Variants in ALDH1A3 observed in about 807,000 individuals in gnomAD.
The protein encoded by ALDH1A3 is retinaldehyde dehydrogenase 3.
Under a neutral mutation model 57.5 loss-of-function variants are expected in ALDH1A3, and 28 were observed. The observed-to-expected ratio is 0.49, with a 90% CI of 0.36 to 0.67. ALDH1A3 has a LOEUF of 0.67. Ranked by LOEUF, ALDH1A3 falls within the 30% of genes least tolerant of loss-of-function variation. The pLI is 0.00. For synonymous variants in ALDH1A3, 281 were observed against 264.8 expected (o/e 1.06, Z -0.59); for missense variants, 507 against 669.4 (o/e 0.76, Z 2.68).
intron 1 of ALDH1A3, among the ~76,000 whole-genome samples, chr15:100,883,608 G>A (rs1399427357): frequency 2.0e-5 from 3 of 151,714 alleles, no homozygotes; most frequent in Admixed American, 6.6e-5. Context: ...AACCGACTCA[G>A]ACCAGGCTTC....
intron 8 of ALDH1A3, among the ~76,000 whole-genome samples, chr15:100,899,363 G>A (rs1000532644): frequency 5.9e-5 from 9 of 152,150 alleles, no homozygotes; most frequent in East Asian, 1.9e-4. Context: ...ATCTGGATAC[G>A]CCACCTGCAC....
Position 100,906,528 on chromosome 15 carries a change from CTTATAA to C in ALDH1A3, c.1234-588_1234-583del, listed in dbSNP as rs1363565981. Among the ~76,000 whole-genome samples the C allele has an allele frequency of 6.6e-6, 1 of 152,232 alleles. No homozygotes were observed. The highest frequency in any genetic ancestry group is 1.5e-5 in the Non-Finnish European group (1 of 68,048). Reference sequence around the variant, plus strand: ...GGCAGGCCAGGCACCATCCTGCCGGCTTATAATTATGTCTAATATTGAATCAATTAC... The same window carrying C: ...GGCAGGCCAGGCACCATCCTGCCGGCTTATGTCTAATATTGAATCAATTAC... On this transcript the variant is annotated intron_variant, in intron 10 of 12. Transcript: ENST00000329841. This position sits in a 1 kb window ranked among gnomAD's most constrained non-coding sequence, Gnocchi z 4.8.
intron 12 of ALDH1A3, among the ~76,000 whole-genome samples, chr15:100,908,897 T>C (rs1469781311): frequency 6.6e-6 from 1 of 152,106 alleles, no homozygotes; most frequent in African/African-American, 2.4e-5. Context: ...TCCTACCTGC[T>C]GGGTCCTTTT....
intron 7 of ALDH1A3, 28 bp downstream of exon 7, chr15:100,896,074 A>C (rs2041700456): frequency 6.4e-7 from 1 of 1,553,122 alleles, no homozygotes; most frequent in Middle Eastern, 1.7e-4. Flanking sequence ...GTGCTGGGGA[A>C]AGTGAAAGGG....
At position 100,879,948 on chromosome 15, in the gene ALDH1A3, A is replaced by C; in HGVS notation, c.41A>C (p.Asp14Ala). Reference protein sequence around the residue: ...ANGAVENGQPDRKPPALPRPI... With the variant: ...ANGAVENGQPARKPPALPRPI... ...GGGGCCGTGGAAAACGGGCAGCCGG[A>C]CAGGAAGCCGCCGGCCCTGCCGCGC... Residue 14 changes from aspartate to alanine, a missense_variant, in exon 1 of 13, where the codon GAC (aspartate) becomes GCC (alanine). Coordinates refer to ENST00000329841, the MANE Select transcript of ALDH1A3 (RefSeq NM_000693.4). The C allele has an allele frequency of 6.8e-7, 1 of 1,472,276 alleles. No individual in the cohort carries two copies. Among genetic ancestry groups the C allele is most frequent in the South Asian group, 1.3e-5 (1 of 77,214 alleles). 91.2% of individuals were successfully genotyped at this position (1,472,276 alleles called of 1,614,324 possible). A position where few individuals can be genotyped will look rare whatever the true frequency, so the allele number is the denominator to read the frequency against.
chr15:100,893,700 T>C lies in ALDH1A3; in HGVS notation c.538-254T>C, dbSNP rs190167893. The C allele has an allele frequency of 1.1e-3, 407 of 377,106 alleles. 1 individual carries two copies. Among genetic ancestry groups the C allele is most frequent in the Non-Finnish European group, 6.9e-4 (145 of 211,322 alleles). The allele number at this position is 377,106 out of a possible 1,614,324, so 23.4% of individuals were successfully genotyped here. A position where few individuals can be genotyped will look rare whatever the true frequency, so the allele number is the denominator to read the frequency against. ...GGGAGGAGGACACGTCTTCAGCAGA[T>C]GTTTTAGAGGGAGAGGTAGAACACA... On this transcript the variant is annotated intron_variant, in intron 5 of 12. Coordinates refer to ENST00000329841, the MANE Select transcript of ALDH1A3 (RefSeq NM_000693.4). The surrounding 1 kb of genome is among the most constrained non-coding windows in gnomAD (Gnocchi z 4.8).
chr15:100,885,448 CT>C (rs2041585694), intron 2 of ALDH1A3, 77 bp downstream of exon 2: 1 of 1,150,224 alleles, frequency 8.7e-7, no homozygotes, highest in African/African-American at 1.5e-5. Context: ...TTCGGCTTAG[CT>C]ATAAGACAGA....
chr15:100,916,503 A>G lies in ALDH1A3; in HGVS notation c.*1730A>G, dbSNP rs984659016. ...GGAAATATATATAGTGTTAGGTTTC[A>G]CTTCTTTTAAGGTTTACCCCTGTGG... On this transcript the variant is annotated 3_prime_UTR_variant, in exon 13 of 13. Transcript: ENST00000329841. The G allele has an allele frequency of 2.6e-5, 4 of 152,446 alleles. No homozygotes were observed. The highest frequency in any genetic ancestry group is 9.7e-5 in the African/African-American group (4 of 41,450). The allele number at this position is 152,446 out of a possible 1,614,324, so 9.4% of individuals were successfully genotyped here. A position where few individuals can be genotyped will look rare whatever the true frequency, so the allele number is the denominator to read the frequency against.
intron 1 of ALDH1A3, among the ~76,000 whole-genome samples, chr15:100,882,927 A>T (rs1001324015): frequency 1.3e-5 from 2 of 152,278 alleles, no homozygotes; most frequent in African/African-American, 2.4e-5. Flanking sequence ...AGTGTGGTAT[A>T]AAGTAAAAGA....
At position 100,880,022 on chromosome 15, in the gene ALDH1A3, C is replaced by T; in HGVS notation, c.99+16C>T. The T allele has an allele frequency of 6.9e-7, 1 of 1,444,468 alleles. No homozygotes were observed. The highest frequency in any genetic ancestry group is 9.1e-7 in the Non-Finnish European group (1 of 1,093,092). 89.5% of individuals were successfully genotyped at this position (1,444,468 alleles called of 1,614,324 possible). On this transcript the variant is annotated intron_variant, in intron 1 of 12. Coordinates refer to ENST00000329841, the MANE Select transcript of ALDH1A3 (RefSeq NM_000693.4). The stretch of plus-strand genomic sequence containing the variant: ...GTTCACCAAGGTGAGGCGGGCGCCC[C>T]TCCCACCCGACGGCCGCGGGCCCCT...
At position 100,908,403 on chromosome 15, in the gene ALDH1A3, T is replaced by G. The variant is rs1473824970; in HGVS notation, c.1392-5T>G. 6.2e-7 allele frequency: 1 copy of G among 1,613,442 alleles called. No individual in the cohort carries two copies. The highest frequency in any genetic ancestry group is 1.7e-5 in the Admixed American group (1 of 60,012). Reference sequence around the variant, plus strand: ...GACTCTGAGCTTTCTTCCATTCTTTTCTAGGATCAACTGCTACAACGCCCT... The same window carrying G: ...GACTCTGAGCTTTCTTCCATTCTTTGCTAGGATCAACTGCTACAACGCCCT... On this transcript the variant is annotated splice_region_variant and splice_polypyrimidine_tract_variant and intron_variant, in intron 11 of 12. Transcript: ENST00000329841.
At chr15:100,907,380 T>C in intron 11 of ALDH1A3, 102 bp downstream of exon 11, 5 of 1,389,186 alleles carry the variant, frequency 3.6e-6, no homozygotes, top group Non-Finnish European at 4.9e-6. Flanking sequence ...CATTGTATAT[T>C]ATATACCAAG....
intron 9 of ALDH1A3, among the ~76,000 whole-genome samples, chr15:100,901,823 G>A (rs772569048): frequency 7.9e-5 from 12 of 152,200 alleles, no homozygotes; most frequent in Non-Finnish European, 1.8e-4. Flanking sequence ...GGGAAGAAGG[G>A]AGGGCCTCAT....
intron 6 of ALDH1A3, chr15:100,895,251 C>A (rs1465183558): frequency 6.6e-6 from 1 of 151,858 alleles, no homozygotes; most frequent in Non-Finnish European, 1.5e-5. Context: ...GAGATCGAGA[C>A]CATCCTGGCT....
intron 9 of ALDH1A3, 128 bp downstream of exon 9, chr15:100,900,887 CT>C: frequency 2.8e-6 from 3 of 1,056,382 alleles, no homozygotes; most frequent in Non-Finnish European, 4.0e-6. Flanking sequence ...AGGAGGCTTT[CT>C]TTTCTTTAGA....
At chr15:100,885,823 G>C (rs72763097) in intron 2 of ALDH1A3, among the ~76,000 whole-genome samples, 1 of 152,098 alleles carries the variant, frequency 6.6e-6, no homozygotes, top group African/African-American at 2.4e-5. Flanking sequence ...CGGGTGATGC[G>C]GGGATAGTTA....
At chr15:100,891,348 G>C (rs958943612) in intron 3 of ALDH1A3, among the ~76,000 whole-genome samples, 5 of 152,226 alleles carry the variant, frequency 3.3e-5, no homozygotes, top group African/African-American at 4.8e-5. Flanking sequence ...TTTAAAGGGG[G>C]CTTGGCTCAT....
rs957737907 is a variant in ALDH1A3 at position 100,905,670 on chromosome 15, C to T, written c.1216C>T (p.Arg406Trp). 15 of 1,586,964 alleles carry T rather than the reference C, an allele frequency of 9.5e-6. No homozygotes were observed. Among genetic ancestry groups the T allele is most frequent in the South Asian group, 2.3e-5 (2 of 86,788 alleles). Reference protein sequence around the residue: ...TVFSEVTDNMRIAKEEIFGPV... With the variant: ...TVFSEVTDNMWIAKEEIFGPV... ...CTTCTCAGAAGTCACAGACAACATG[C>T]GGATTGCCAAAGAGGAGGTACAAGG... is the stretch of plus-strand genomic sequence containing the variant. The change falls in exon 10 of 13, where the codon CGG (arginine) becomes TGG (tryptophan). Residue 406 changes from arginine to tryptophan, a missense_variant. Transcript: ENST00000329841.
At chr15:100,897,440 T>C (rs890198734) in intron 7 of ALDH1A3, among the ~76,000 whole-genome samples, 1 of 152,186 alleles carries the variant, frequency 6.6e-6, no homozygotes, top group East Asian at 1.9e-4. Context: ...CAGTGGGCAA[T>C]GGGAGAGACC....
Sources: allele counts gnomAD v4.1 joint callset (sites outside exome capture counted in the v4.1 genomes callset), GRCh38; gene constraint gnomAD v4.1.1; non-coding constraint Gnocchi (gnomAD v3.1); transcripts MANE v1.5; gene names NCBI Gene and HGNC (gene_info 2026-07-23, HGNC 2026-07-21).